Variants in PDE10A observed in about 807,000 individuals in gnomAD.
PDE10A encodes the protein phosphodiesterase 10A.
PDE10A carries 39 observed loss-of-function variants against 97.7 expected under a neutral mutation model. The observed-to-expected ratio is 0.40, with a 90% CI of 0.31 to 0.52. The LOEUF (loss-of-function observed/expected upper bound fraction) is 0.52, where lower values mean the gene tolerates loss of function less well. Ranked by LOEUF, PDE10A falls within the 20% of genes least tolerant of loss-of-function variation. PDE10A has a pLI of 0.56. For synonymous variants in PDE10A, 371 were observed against 376.8 expected, an observed-to-expected ratio of 0.98 and a Z score of 0.18; for missense variants, 731 against 1,047.8, an observed-to-expected ratio of 0.70 and a Z score of 4.17.
At chr6:165,863,679 C>T (rs958900275) in intron 1 of PDE10A, among the ~76,000 whole-genome samples, 7 of 152,160 alleles carry the variant, frequency 4.6e-5, no homozygotes, top group South Asian at 2.1e-4. Flanking sequence ...TCATACAATA[C>T]TTCACTATCA....
intron 1 of PDE10A, among the ~76,000 whole-genome samples, chr6:165,546,750 AAAGG>A (rs761604343): frequency 1.3e-5 from 2 of 152,120 alleles, no homozygotes; most frequent in Non-Finnish European, 2.9e-5. Context: ...CAGATAAACA[AAAGG>A]AAGAGTTCAG....
intron 1 of PDE10A, among the ~76,000 whole-genome samples, chr6:165,638,088 G>C (rs1269525321): frequency 1.3e-5 from 2 of 152,112 alleles, no homozygotes; most frequent in African/African-American, 4.8e-5. Flanking sequence ...TGTGCTGGGT[G>C]AAAGAGGCCA....
chr6:165,428,982 G>C (rs1789363521), intron 9 of PDE10A, among the ~76,000 whole-genome samples: 1 of 152,044 alleles, frequency 6.6e-6, no homozygotes, highest in African/African-American at 2.4e-5. Flanking sequence ...TCAGTGTAGA[G>C]AGAAAGTCTG....
chr6:165,831,533 A>C (rs1779915678), intron 1 of PDE10A, among the ~76,000 whole-genome samples: 1 of 141,718 alleles, frequency 7.1e-6, no homozygotes, highest in African/African-American at 2.7e-5. Context: ...GCTGGAGTGC[A>C]GTGGCACGAT....
intron 1 of PDE10A, among the ~76,000 whole-genome samples, chr6:165,787,582 TA>T (rs1228523200): frequency 6.6e-6 from 1 of 152,246 alleles, no homozygotes; most frequent in African/African-American, 2.4e-5. Flanking sequence ...TTAGGAGACA[TA>T]CAGAATTAGA....
rs367552435 is a variant in PDE10A, at chr6:165,957,742, G to C, written c.-615+29787C>G. On this transcript the variant is annotated intron_variant, in intron 1 of 19. Transcript: ENST00000366882. ...TCCCAAGTGTAAGAAATAACCCCCA[G>C]CCTCTAAAAGCTTAAAATATTTGGA... Among the ~76,000 whole-genome samples the C allele has an allele frequency of 2.2e-3, 342 of 152,294 alleles. 13 individuals are homozygous for C. The South Asian group carries it at 0.068, about 30-fold the overall frequency.
Position 165,392,654 on chromosome 6 carries a change from C to G in PDE10A, c.2446G>C (p.Asp816His), listed in dbSNP as rs1331480824. Residue 816 changes from aspartate to histidine, a missense_variant, in exon 16 of 22, where the codon GAC (aspartate) becomes CAC (histidine). Around this residue, in one of 8 missense-constraint regions of PDE10A, gnomAD observed 131 missense variants for 187.4 expected, o/e 0.70. Transcript: ENST00000539869. The stretch of plus-strand genomic sequence containing the variant: ...AAAGAGTGCACACCCACCTCAAGGT[C>G]TGTGAAAAGCGTGTGATTGTTCTGA... ...ILQNNHTLFT[D>H]LERKGLLIAC... 1 of 1,613,760 alleles carries G rather than the reference C, an allele frequency of 6.2e-7. No homozygotes were observed. The highest frequency in any genetic ancestry group is 1.1e-5 in the South Asian group (1 of 91,066).
intron 1 of PDE10A, among the ~76,000 whole-genome samples, chr6:165,907,783 G>A (rs970412343): frequency 6.7e-6 from 1 of 148,376 alleles, no homozygotes; most frequent in Admixed American, 6.6e-5. Context: ...TGAGGGCTGA[G>A]GCCGCGCCCA....
intron 6 of PDE10A, among the ~76,000 whole-genome samples, chr6:165,433,944 G>A (rs1789795962): frequency 6.7e-6 from 1 of 149,042 alleles, no homozygotes. Context: ...GTGAACCCGG[G>A]AGGCGGAGCT....
chr6:165,432,742 A>G (rs1436309023), intron 7 of PDE10A, among the ~76,000 whole-genome samples: 4 of 152,140 alleles, frequency 2.6e-5, no homozygotes, highest in African/African-American at 9.7e-5. Context: ...TTATTGTTAC[A>G]CTGGATTTTA....
chr6:165,862,727 G>T (rs557527470), intron 1 of PDE10A, among the ~76,000 whole-genome samples: 1 of 149,006 alleles, frequency 6.7e-6, no homozygotes, highest in Non-Finnish European at 1.5e-5. Context: ...TCACCCAGGC[G>T]GAGTGCAGTG....
At chr6:165,982,407 C>T (rs371062544) in intron 1 of PDE10A, among the ~76,000 whole-genome samples, 13 of 152,270 alleles carry the variant, frequency 8.5e-5, no homozygotes, top group South Asian at 2.1e-4. Flanking sequence ...ATACCACTTA[C>T]GTAATTTCCT....
chr6:165,413,187 TTTTC>T (rs1315180225), intron 13 of PDE10A, among the ~76,000 whole-genome samples: 1 of 152,192 alleles, frequency 6.6e-6, no homozygotes, highest in Admixed American at 6.5e-5. Flanking sequence ...TTAGGTAGCA[TTTTC>T]TTTCTTCATT....
chr6:165,765,158 A>C (rs1215544610), intron 1 of PDE10A, among the ~76,000 whole-genome samples: 1 of 152,230 alleles, frequency 6.6e-6, no homozygotes, highest in Non-Finnish European at 1.5e-5. Flanking sequence ...GTGTATTTAC[A>C]ATCCCTGAGC....
chr6:165,585,009 C>A (rs1025020234), intron 1 of PDE10A, among the ~76,000 whole-genome samples: 5 of 152,222 alleles, frequency 3.3e-5, no homozygotes, highest in Admixed American at 6.5e-5. Flanking sequence ...TGGGTATACA[C>A]ATTTTTAAGC....
chr6:165,401,987 T>C (rs1427046513), intron 13 of PDE10A, among the ~76,000 whole-genome samples: 1 of 152,146 alleles, frequency 6.6e-6, no homozygotes, highest in Non-Finnish European at 1.5e-5. Flanking sequence ...TAAATTGGTA[T>C]TACCTGTAAT....
At chr6:165,413,908 TC>T (rs1788100581) in intron 12 of PDE10A, among the ~76,000 whole-genome samples, 1 of 152,150 alleles carries the variant, frequency 6.6e-6, no homozygotes, top group Non-Finnish European at 1.5e-5. Context: ...TTCTTTTGTC[TC>T]CAAGTGAGTT....
intron 1 of PDE10A, among the ~76,000 whole-genome samples, chr6:165,696,683 A>G (rs190424670): frequency 5.4e-4 from 83 of 152,362 alleles, no homozygotes; most frequent in African/African-American, 2.0e-3. Context: ...GGCAAAAAAC[A>G]AAACGGCAAC....
Position 165,894,014 on chromosome 6 carries a change from C to T in PDE10A, c.-615+93515G>A, listed in dbSNP as rs1477294086. 5.9e-5 allele frequency among the ~76,000 whole-genome samples: 9 copies of T among 152,106 alleles called. No individual in the cohort carries two copies. The East Asian group carries it at 1.7e-3, about 29-fold the overall frequency. On this transcript the variant is annotated intron_variant, in intron 1 of 19. Coordinates refer to the PDE10A transcript ENST00000366882. ...CAGACCAAGTGATGTGTTCATGGCC[C>T]TGGGCACCTTGTCTCCCCTCGTTGC...
Sources: allele counts gnomAD v4.1 joint callset (sites outside exome capture counted in the v4.1 genomes callset), GRCh38; gene constraint gnomAD v4.1.1; regional missense constraint gnomAD v4.1.1; transcripts MANE v1.5; gene names NCBI Gene and HGNC (gene_info 2026-07-23, HGNC 2026-07-21).